LOC400499: variants seen among roughly 807,000 people sequenced by gnomAD.
At chr16:11,427,341 T>C in the LOC400499 span, among the ~76,000 whole-genome samples, 1 of 84,484 alleles carries the variant, frequency 1.2e-5, no homozygotes, top group Admixed American at 1.9e-4. Flanking sequence ...AGAGCGAAAC[T>C]CCATCTCACA....
chr16:11,496,287 G>A, the LOC400499 span, among the ~76,000 whole-genome samples: 4 of 151,994 alleles, frequency 2.6e-5, no homozygotes, highest in Non-Finnish European at 5.9e-5. Context: ...GGCTGGTCTC[G>A]AACTCCTGAC....
the LOC400499 span, among the ~76,000 whole-genome samples, chr16:11,436,278 G>A: frequency 6.6e-6 from 1 of 152,186 alleles, no homozygotes; most frequent in Non-Finnish European, 1.5e-5. Flanking sequence ...AGAAAAGGAG[G>A]CCCCAGAGAG....
the LOC400499 span, chr16:11,460,111 G>A: frequency 1.5e-6 from 2 of 1,293,246 alleles, no homozygotes; most frequent in Non-Finnish European, 9.8e-7. Flanking sequence ...CCAGTCCCTG[G>A]GCCTCCTCAT....
chr16:11,387,149 T>C, the LOC400499 span: 1 of 1,232,114 alleles, frequency 8.1e-7, no homozygotes, highest in Non-Finnish European at 1.0e-6. Context: ...TCTGAGCCAG[T>C]AGTACTCAGC....
chr16:11,473,115 C>CT, the LOC400499 span: 1 of 97,700 alleles, frequency 1.0e-5, no homozygotes, highest in Admixed American at 1.2e-4. Context: ...CACGCTATCT[C>CT]AAAATAAATA....
chr16:11,412,183 C>T, the LOC400499 span, among the ~76,000 whole-genome samples: 1 of 152,198 alleles, frequency 6.6e-6, no homozygotes, highest in East Asian at 1.9e-4. Context: ...CTGTTGCTAA[C>T]TCCAGGGTGC....
the LOC400499 span, chr16:11,423,212 C>A: frequency 2.5e-6 from 1 of 399,380 alleles, no homozygotes. Flanking sequence ...CCCCTCGGCA[C>A]CATCCTAACA....
chr16:11,468,124 C>G, the LOC400499 span, among the ~76,000 whole-genome samples: 1 of 121,526 alleles, frequency 8.2e-6, no homozygotes, highest in Non-Finnish European at 1.9e-5. Context: ...ACAACAATAA[C>G]AACAAAAAAC....
the LOC400499 span, among the ~76,000 whole-genome samples, chr16:11,423,655 G>A: frequency 2.6e-5 from 4 of 152,246 alleles, no homozygotes; most frequent in African/African-American, 4.8e-5. Context: ...CACCATGGAC[G>A]GTTTAGCCAC....
At chr16:11,462,220 GC>G in the LOC400499 span, 3 of 1,534,104 alleles carry the variant, frequency 2.0e-6, no homozygotes, top group Admixed American at 2.0e-5. Context: ...CGACGGGGCT[GC>G]CCCCCGTCAC....
the LOC400499 span, chr16:11,411,150 G>A: frequency 7.5e-6 from 3 of 398,512 alleles, no homozygotes; most frequent in Non-Finnish European, 1.3e-5. Context: ...GAACAGATGT[G>A]CATGTATTAA....
chr16:11,517,427 C>G, the LOC400499 span, among the ~76,000 whole-genome samples: 89 of 152,302 alleles, frequency 5.8e-4, no homozygotes, highest in African/African-American at 2.0e-3. Context: ...TAGAGGGAGT[C>G]TTTCCCTCCC....
the LOC400499 span, among the ~76,000 whole-genome samples, chr16:11,445,984 C>T: frequency 1.3e-5 from 2 of 151,722 alleles, no homozygotes; most frequent in Non-Finnish European, 2.9e-5. Context: ...ACCACCATGC[C>T]CATCTAGTTT....
At chr16:11,497,232 C>G in the LOC400499 span, among the ~76,000 whole-genome samples, 2 of 152,166 alleles carry the variant, frequency 1.3e-5, no homozygotes, top group Non-Finnish European at 2.9e-5. Context: ...TACACGTGCG[C>G]TCAGGATGCA....
chr16:11,387,171 C>T, the LOC400499 span: 2 of 1,232,248 alleles, frequency 1.6e-6, no homozygotes, highest in Non-Finnish European at 1.0e-6. Context: ...AGCACGTTGG[C>T]CCCAGACAGC....
chr16:11,445,002 T>C, the LOC400499 span, among the ~76,000 whole-genome samples: 10 of 151,510 alleles, frequency 6.6e-5, no homozygotes, highest in East Asian at 1.5e-3. Context: ...GGTGGGAGGA[T>C]CACTTAAGCC....
At chr16:11,383,732 G>A in the LOC400499 span, 1 of 1,232,462 alleles carries the variant, frequency 8.1e-7, no homozygotes, top group Non-Finnish European at 1.0e-6. Flanking sequence ...TGGAGCTCCT[G>A]GGTGCCACAG....
the LOC400499 span, among the ~76,000 whole-genome samples, chr16:11,511,972 C>A: frequency 0.021 from 3,237 of 151,920 alleles, 57 homozygotes; most frequent in Non-Finnish European, 0.034. Context: ...GCATTCCAGC[C>A]TGGGCGACAG....
chr16:11,499,389 A>T, the LOC400499 span, among the ~76,000 whole-genome samples: 1 of 151,160 alleles, frequency 6.6e-6, no homozygotes, highest in Non-Finnish European at 1.5e-5. Flanking sequence ...TTCCAGGGAG[A>T]TGGGCTAAGC....
Sources: allele counts gnomAD v4.1 joint callset (sites outside exome capture counted in the v4.1 genomes callset), GRCh38; gene constraint gnomAD v4.1.1; transcripts MANE v1.5.